LSAMP: variants seen among roughly 807,000 people sequenced by gnomAD.
LSAMP encodes the protein limbic system associated membrane protein, also known as limbic system-associated membrane protein.
In LSAMP, 7 loss-of-function variants were observed where a neutral mutation model predicts 38.6. The ratio of observed to expected loss-of-function variants is 0.18; its 90% CI spans 0.10 to 0.34. The LOEUF is 0.34. Ranked by LOEUF, LSAMP falls within the 10% of genes least tolerant of loss-of-function variation. LSAMP has a pLI of 1.00. For synonymous variants in LSAMP, 154 were observed against 166.8 expected, an observed-to-expected ratio of 0.92 and a Z score of 0.59; for missense variants, 313 against 420.0, an observed-to-expected ratio of 0.75 and a Z score of 2.23.
intron 3 of LSAMP, among the ~76,000 whole-genome samples, chr3:115,940,760 G>C (rs2107558701): frequency 6.6e-6 from 1 of 152,244 alleles, no homozygotes; most frequent in African/African-American, 2.4e-5. Context: ...TGTTGCACCA[G>C]TCTATGTGTC....
chr3:115,959,716 A>G (rs2107591873), intron 3 of LSAMP, among the ~76,000 whole-genome samples: 1 of 152,270 alleles, frequency 6.6e-6, no homozygotes, highest in East Asian at 1.9e-4. Context: ...TAATATATGG[A>G]TGTGCTTGAC....
intron 1 of LSAMP, among the ~76,000 whole-genome samples, chr3:116,155,960 C>G (rs564530430): frequency 6.1e-4 from 93 of 152,112 alleles, no homozygotes; most frequent in Non-Finnish European, 7.9e-4. Flanking sequence ...AAGCAGTGAG[C>G]CAAGTTCTTC....
Position 115,852,509 on chromosome 3 carries a change from A to G in LSAMP, c.623T>C (p.Val208Ala). 6.2e-7 allele frequency: 1 copy of G among 1,612,770 alleles called. No homozygotes were observed. Among genetic ancestry groups the G allele is most frequent in the East Asian group, 2.2e-5 (1 of 44,742 alleles). Residue 208 changes from valine to alanine, a missense_variant, in exon 4 of 7, where the codon GTC becomes GCC. Coordinates refer to ENST00000490035, the MANE Select transcript of LSAMP (RefSeq NM_002338.5). Reference protein sequence around the residue: ...KAANEVSSADVKQVKVTVNYP... With the variant: ...KAANEVSSADAKQVKVTVNYP... ...GTTCACAGTGACCTTGACTTGTTTG[A>G]CATCCGCCGAGGAGACCTCGTTGGC...
chr3:115,899,679 G>T (rs1936824407), intron 3 of LSAMP, among the ~76,000 whole-genome samples: 2 of 152,066 alleles, frequency 1.3e-5, no homozygotes, highest in Non-Finnish European at 2.9e-5. Flanking sequence ...TTATTCTGTT[G>T]ATTAGAATGA....
intron 1 of LSAMP, among the ~76,000 whole-genome samples, chr3:116,232,217 A>G (rs935617867): frequency 6.6e-6 from 1 of 152,192 alleles, no homozygotes; most frequent in African/African-American, 2.4e-5. Context: ...CTTTGGGAGT[A>G]CTAAAATGAG....
intron 1 of LSAMP, among the ~76,000 whole-genome samples, chr3:116,124,893 CT>C: frequency 6.6e-6 from 1 of 152,122 alleles, no homozygotes; most frequent in Non-Finnish European, 1.5e-5. Context: ...AACTTCGACT[CT>C]GATCTTTGCA....
chr3:115,814,898 CGGACT>C (rs1933963491), intron 6 of LSAMP, among the ~76,000 whole-genome samples: 1 of 152,178 alleles, frequency 6.6e-6, no homozygotes, highest in Non-Finnish European at 1.5e-5. Flanking sequence ...TCTAGCCCAG[CGGACT>C]AAGGCATGTT....
intron 2 of LSAMP, among the ~76,000 whole-genome samples, chr3:116,048,439 C>T (rs571114458): frequency 5.9e-5 from 9 of 152,140 alleles, no homozygotes; most frequent in Admixed American, 2.6e-4. Flanking sequence ...AGTGGGGTGA[C>T]GATAGGCAAT....
At chr3:116,351,463 G>T (rs1363667284) in intron 1 of LSAMP, among the ~76,000 whole-genome samples, 1 of 151,928 alleles carries the variant, frequency 6.6e-6, no homozygotes, top group Non-Finnish European at 1.5e-5. Context: ...TGTTGGAAAG[G>T]GATTCTGAAG....
At chr3:116,252,267 G>C (rs933991565) in intron 1 of LSAMP, among the ~76,000 whole-genome samples, 1 of 152,188 alleles carries the variant, frequency 6.6e-6, no homozygotes, top group African/African-American at 2.4e-5. Context: ...CAAGGCAGTT[G>C]GCAGTGTGTA....
At chr3:116,158,183 T>G (rs1251647598) in intron 1 of LSAMP, among the ~76,000 whole-genome samples, 1 of 152,134 alleles carries the variant, frequency 6.6e-6, no homozygotes, top group Non-Finnish European at 1.5e-5. Flanking sequence ...TTCAACAAAC[T>G]AGGCATTGAA....
At chr3:115,968,204 G>GT (rs1204727560) in intron 3 of LSAMP, among the ~76,000 whole-genome samples, 1 of 152,018 alleles carries the variant, frequency 6.6e-6, no homozygotes, top group Non-Finnish European at 1.5e-5. Context: ...GGCCTAGCTG[G>GT]TGTCTAAGCT....
chr3:116,198,641 G>A (rs1484213807), intron 1 of LSAMP, among the ~76,000 whole-genome samples: 2 of 151,938 alleles, frequency 1.3e-5, no homozygotes, highest in African/African-American at 2.4e-5. Context: ...CTTCGTAGCG[G>A]GCAGCTGTAG....
At chr3:116,303,036 T>TTTTA in intron 1 of LSAMP, among the ~76,000 whole-genome samples, 1 of 152,312 alleles carries the variant, frequency 6.6e-6, no homozygotes, top group Non-Finnish European at 1.5e-5. Context: ...TCCTGAGTAT[T>TTTTA]TTTATTTTAA....
intron 1 of LSAMP, among the ~76,000 whole-genome samples, chr3:116,284,005 C>T (rs1464275766): frequency 6.6e-6 from 1 of 151,694 alleles, no homozygotes; most frequent in Non-Finnish European, 1.5e-5. Flanking sequence ...GACTCTGTCT[C>T]CCAAAAAAAT....
intron 1 of LSAMP, among the ~76,000 whole-genome samples, chr3:116,414,096 C>A (rs931302440): frequency 7.2e-5 from 11 of 152,070 alleles, no homozygotes; most frequent in African/African-American, 2.7e-4. Flanking sequence ...GCACTTCCTG[C>A]ATCTTTAAGC....
chr3:116,204,779 G>C (rs577380088), intron 1 of LSAMP, among the ~76,000 whole-genome samples: 6,853 of 150,526 alleles, frequency 0.046, 233 homozygotes, highest in Middle Eastern at 0.12. Flanking sequence ...TTTGGTACCA[G>C]TACCATGCTG....
At chr3:115,817,484 G>A (rs977243117) in intron 6 of LSAMP, among the ~76,000 whole-genome samples, 3 of 152,126 alleles carry the variant, frequency 2.0e-5, no homozygotes, top group Non-Finnish European at 4.4e-5. Flanking sequence ...TCTCAGGGTC[G>A]GAAGAGCTCA....
At position 115,810,221 on chromosome 3, in the gene LSAMP, A is replaced by ATCTCTC. The variant is rs528530751; in HGVS notation, c.*90_*95dup. ...AGTTGTGAAATAAACGGTCTCCCCC[A>ATCTCTC]TCTCTCTCTCTCTCTCTCTCTCTGT... On this transcript the variant is annotated 3_prime_UTR_variant, in exon 7 of 7. Coordinates refer to ENST00000490035, the MANE Select transcript of LSAMP (RefSeq NM_002338.5). 5 of 649,876 alleles carry ATCTCTC rather than the reference A, an allele frequency of 7.7e-6. No homozygotes were observed. Among genetic ancestry groups the ATCTCTC allele is most frequent in the African/African-American group, 5.7e-5 (3 of 52,280 alleles). The allele number at this position is 649,876 out of a possible 1,614,324, so 40.3% of individuals were successfully genotyped here. A position where few individuals can be genotyped will look rare whatever the true frequency, so the allele number is the denominator to read the frequency against.
Sources: allele counts gnomAD v4.1 joint callset (sites outside exome capture counted in the v4.1 genomes callset), GRCh38; gene constraint gnomAD v4.1.1; transcripts MANE v1.5; gene names NCBI Gene and HGNC (gene_info 2026-07-23, HGNC 2026-07-21).